The following TENM2 variants were observed in gnomAD, a reference collection of about 807,000 sequenced individuals.
TENM2 encodes the protein teneurin transmembrane protein 2.
Under a neutral mutation model 245.2 loss-of-function variants are expected in TENM2, and 52 were observed. That is an observed-to-expected ratio of 0.21 (90% CI 0.17 to 0.27). The LOEUF is 0.27. TENM2 is among the 10% of genes least tolerant of loss of function. The probability of loss-of-function intolerance (pLI) is 1.00; values close to 1 mark genes in which losing one functional copy is unlikely to be tolerated. For missense variants in TENM2, 3,046 were observed against 3,666.8 expected (o/e 0.83, Z 4.37); for synonymous variants, 1,363 against 1,438.9 (o/e 0.95, Z 1.19).
intron 2 of TENM2, among the ~76,000 whole-genome samples, chr5:167,446,793 G>GCACACACACACACA (rs34343283): frequency 1.4e-5 from 2 of 144,002 alleles, no homozygotes; most frequent in African/African-American, 2.6e-5. Context: ...TTTGAAACAC[G>GCACACACACACACA]CACACACACA....
chr5:168,007,596 C>T (rs548995579), intron 5 of TENM2, among the ~76,000 whole-genome samples: 1 of 152,288 alleles, frequency 6.6e-6, no homozygotes, highest in South Asian at 2.1e-4. Flanking sequence ...GGGCACTCAA[C>T]ATGAGAGCTG....
At chr5:167,187,808 C>T in the TENM2 span, among the ~76,000 whole-genome samples, 1 of 152,084 alleles carries the variant, frequency 6.6e-6, no homozygotes, top group Non-Finnish European at 1.5e-5. Flanking sequence ...TCCCACCCTC[C>T]TTCCCATTAT....
intron 2 of TENM2, among the ~76,000 whole-genome samples, chr5:167,739,445 T>A (rs931994649): frequency 6.6e-6 from 1 of 152,134 alleles, no homozygotes; most frequent in African/African-American, 2.4e-5. Flanking sequence ...GTCTTTTCCT[T>A]AGTGGGATTC....
chr5:167,007,562 A>G, the TENM2 span, among the ~76,000 whole-genome samples: 4 of 152,124 alleles, frequency 2.6e-5, no homozygotes, highest in Admixed American at 2.0e-4. This position sits in a 1 kb window ranked among gnomAD's most constrained non-coding sequence, Gnocchi z 4.2. Flanking sequence ...TTTTATGTTA[A>G]TGTTTGATGT....
chr5:167,196,127 C>T, the TENM2 span, among the ~76,000 whole-genome samples: 3 of 151,944 alleles, frequency 2.0e-5, no homozygotes, highest in Admixed American at 6.6e-5. Flanking sequence ...TGGTATTGCT[C>T]CTAGGCTATA....
intron 2 of TENM2, among the ~76,000 whole-genome samples, chr5:167,563,937 A>G (rs1383822984): frequency 3.3e-5 from 5 of 152,190 alleles, no homozygotes; most frequent in Admixed American, 2.6e-4. Context: ...TGTTTGCACA[A>G]TGACAAAATC....
intron 4 of TENM2, among the ~76,000 whole-genome samples, chr5:167,990,071 C>T (rs925317094): frequency 9.9e-5 from 15 of 152,264 alleles, no homozygotes; most frequent in African/African-American, 3.4e-4. Context: ...CCTTACAATG[C>T]CTTTACGTTC....
At chr5:167,793,453 A>T (rs1242344655) in intron 2 of TENM2, among the ~76,000 whole-genome samples, 1 of 152,184 alleles carries the variant, frequency 6.6e-6, no homozygotes, top group Non-Finnish European at 1.5e-5. Flanking sequence ...TTACCTCTTT[A>T]GCCATTCTTT....
intron 2 of TENM2, among the ~76,000 whole-genome samples, chr5:167,818,288 C>T (rs116513283): frequency 0.019 from 2,926 of 152,258 alleles, 99 homozygotes; most frequent in African/African-American, 0.066. Flanking sequence ...GTGATGACTA[C>T]GGTGCTTTGC....
the TENM2 span, among the ~76,000 whole-genome samples, chr5:167,157,497 G>A: frequency 2.0e-5 from 3 of 152,178 alleles, no homozygotes; most frequent in African/African-American, 7.2e-5. Context: ...GATGATAAAA[G>A]AACCTGGAAA....
chr5:167,997,892 C>G (rs1199651558), intron 5 of TENM2, among the ~76,000 whole-genome samples: 3 of 152,164 alleles, frequency 2.0e-5, no homozygotes, highest in African/African-American at 4.8e-5. Flanking sequence ...AAAATTGCTT[C>G]CCAACTGGCT....
exon 29 of TENM2, chr5:168,262,351 G>A: frequency 6.2e-7 from 1 of 1,608,006 alleles, no homozygotes; most frequent in Non-Finnish European, 8.5e-7. Context: ...ACTACTTTGT[G>A]AAGATTGGCT....
rs151328767 is a variant in TENM2, at chr5:167,893,596, G to A, written c.712+17401G>A. On this transcript the variant is annotated intron_variant, in intron 3 of 28. Transcript: ENST00000518659. Reference sequence around the variant, plus strand: ...ATTTTCTTGTATTTTCTTTTTTTCCGTTGCCACAGGAAACAAACAAAAAAG... The same window carrying A: ...ATTTTCTTGTATTTTCTTTTTTTCCATTGCCACAGGAAACAAACAAAAAAG... Among the ~76,000 whole-genome samples the A allele has an allele frequency of 2.3e-3, 333 of 147,948 alleles. 1 individual carries two copies. The highest frequency in any genetic ancestry group is 7.1e-3 in the African/African-American group (286 of 40,268).
intron 2 of TENM2, among the ~76,000 whole-genome samples, chr5:167,696,049 CA>C (rs1249727413): frequency 4.3e-5 from 6 of 138,420 alleles, no homozygotes; most frequent in East Asian, 2.1e-4. Flanking sequence ...AACAAAAAAA[CA>C]AAAAAAAAAC....
At chr5:167,170,971 T>C in the TENM2 span, among the ~76,000 whole-genome samples, 819 of 152,340 alleles carry the variant, frequency 5.4e-3, 8 homozygotes, top group African/African-American at 0.018. Context: ...GGTTTCTCCT[T>C]CTCAGTATCC....
chr5:167,296,648 T>C (rs1230076727), intron 1 of TENM2: 2 of 152,194 alleles, frequency 1.3e-5, no homozygotes, highest in Non-Finnish European at 2.9e-5. Flanking sequence ...TGACTGCAAG[T>C]TCAGGTGACA....
Position 167,719,853 on chromosome 5 carries a change from C to T in TENM2, c.503-156133C>T, listed in dbSNP as rs13166087. ...CATCCTGAAATGTACAAGTCAACAC[C>T]CTCCCACCACCCCCAACAAATAATT... On this transcript the variant is annotated intron_variant, in intron 2 of 28. Transcript: ENST00000518659. Among the ~76,000 whole-genome samples the T allele has an allele frequency of 8.5e-3, 1,290 of 152,148 alleles. 12 individuals carry two copies. Among genetic ancestry groups the T allele is most frequent in the South Asian group, 0.019 (91 of 4,818 alleles).
At chr5:167,051,544 A>G in the TENM2 span, among the ~76,000 whole-genome samples, 1 of 152,152 alleles carries the variant, frequency 6.6e-6, no homozygotes, top group Non-Finnish European at 1.5e-5. Flanking sequence ...AGGAGACCCT[A>G]ATGTGAAACA....
At chr5:167,959,287 C>A (rs546293560) in intron 4 of TENM2, among the ~76,000 whole-genome samples, 32 of 151,960 alleles carry the variant, frequency 2.1e-4, no homozygotes, top group African/African-American at 7.7e-4. Flanking sequence ...CTCCGCCTCC[C>A]AGGTTCACGC....
Sources: gnomAD v4.1 joint callset for allele counts (sites outside exome capture counted in the v4.1 genomes callset) on GRCh38, gnomAD v4.1.1 for gene constraint, Gnocchi (gnomAD v3.1) non-coding constraint, MANE v1.5 for transcripts, NCBI Gene and HGNC (gene_info 2026-07-23, HGNC 2026-07-21) for gene names.